TRPC4: variants seen among roughly 807,000 people sequenced by gnomAD.
TRPC4 encodes short transient receptor potential channel 4.
In TRPC4, 49 loss-of-function variants were observed where a neutral mutation model predicts 99.4. The ratio of observed to expected loss-of-function variants is 0.49; its 90% CI spans 0.39 to 0.63. The LOEUF is 0.63. Ranked by LOEUF, TRPC4 falls within the 20% of genes least tolerant of loss-of-function variation. The probability of loss-of-function intolerance (pLI) is 0.00; values close to 1 mark genes in which losing one functional copy is unlikely to be tolerated. For missense variants in TRPC4, 898 were observed against 1,152.9 expected (o/e 0.78, Z 3.20); for synonymous variants, 454 against 425.9 (o/e 1.07, Z -0.81).
At chr13:37,708,574 G>A (rs1365323991) in intron 3 of TRPC4, among the ~76,000 whole-genome samples, 7 of 151,470 alleles carry the variant, frequency 4.6e-5, no homozygotes, top group Admixed American at 1.3e-4. Context: ...GATCGCAAAG[G>A]AATTCAAAAG....
At chr13:37,703,624 A>G (rs927211874) in intron 3 of TRPC4, among the ~76,000 whole-genome samples, 1 of 152,188 alleles carries the variant, frequency 6.6e-6, no homozygotes, top group Admixed American at 6.6e-5. Context: ...CAAAGTCACA[A>G]TGAAGTATCA....
chr13:37,774,156 C>T (rs1028982160), intron 2 of TRPC4, among the ~76,000 whole-genome samples: 3 of 151,562 alleles, frequency 2.0e-5, no homozygotes, highest in African/African-American at 7.3e-5. Flanking sequence ...CAAAGTTAAG[C>T]CCACTCCACT....
At chr13:37,764,376 T>C (rs993934017) in intron 2 of TRPC4, among the ~76,000 whole-genome samples, 1 of 150,974 alleles carries the variant, frequency 6.6e-6, no homozygotes, top group Admixed American at 6.7e-5. Flanking sequence ...GTGTTTATAA[T>C]GTATAGACCA....
rs79972323 is a variant in TRPC4 at position 37,698,286 on chromosome 13, G to A, written c.898-5951C>T. On this transcript the variant is annotated intron_variant, in intron 3 of 10. Coordinates refer to ENST00000379705, the MANE Select transcript of TRPC4 (RefSeq NM_016179.4). The stretch of plus-strand genomic sequence containing the variant: ...TGCCATTCTCCTGTCTCAGCCTCCC[G>A]AGGTAGCTGGGACTACAGGTGCCCG... Among the ~76,000 whole-genome samples, 40 of 148,292 alleles carry A rather than the reference G, an allele frequency of 2.7e-4. No individual in the cohort carries two copies. The East Asian group carries it at 5.4e-3, about 20-fold the overall frequency.
chr13:37,668,277 G>A (rs1566082365), intron 5 of TRPC4, among the ~76,000 whole-genome samples: 2 of 152,130 alleles, frequency 1.3e-5, no homozygotes. Flanking sequence ...TCCTTTGAAA[G>A]AGAATTGCTT....
At chr13:37,736,992 C>T (rs1274598251) in intron 3 of TRPC4, among the ~76,000 whole-genome samples, 1 of 151,486 alleles carries the variant, frequency 6.6e-6, no homozygotes, top group Non-Finnish European at 1.5e-5. Context: ...CTTGGCCTCC[C>T]AAAGTGCTGG....
At chr13:37,742,125 C>A (rs1488292224) in intron 3 of TRPC4, among the ~76,000 whole-genome samples, 1 of 152,048 alleles carries the variant, frequency 6.6e-6, no homozygotes, top group Non-Finnish European at 1.5e-5. Context: ...AGAAGTAATA[C>A]AATTCTTCTT....
At chr13:37,817,962 G>T (rs1395486094) in intron 1 of TRPC4, among the ~76,000 whole-genome samples, 1 of 151,820 alleles carries the variant, frequency 6.6e-6, no homozygotes, top group Non-Finnish European at 1.5e-5. Context: ...ATACTATTTA[G>T]GACACAGGAA....
chr13:37,650,641 A>G (rs944020626), intron 8 of TRPC4, among the ~76,000 whole-genome samples: 1 of 151,820 alleles, frequency 6.6e-6, no homozygotes, highest in Admixed American at 6.6e-5. Context: ...ACACATATAT[A>G]TATATTTAGA....
intron 1 of TRPC4, among the ~76,000 whole-genome samples, chr13:37,818,564 A>G (rs577382981): frequency 6.6e-6 from 1 of 152,292 alleles, no homozygotes; most frequent in Non-Finnish European, 1.5e-5. Flanking sequence ...ATGCTCATCA[A>G]TGATAGACTG....
intron 2 of TRPC4, among the ~76,000 whole-genome samples, chr13:37,773,320 G>A (rs2139301156): frequency 6.6e-6 from 1 of 151,922 alleles, no homozygotes; most frequent in African/African-American, 2.4e-5. Context: ...ATCTCTCTGA[G>A]CCGCAATTTT....
chr13:37,734,118 T>G (rs922436214), intron 3 of TRPC4, among the ~76,000 whole-genome samples: 1 of 152,174 alleles, frequency 6.6e-6, no homozygotes. Context: ...TTTGCCTCCA[T>G]GAATCTGCAC....
At chr13:37,756,176 G>GCACA (rs1009308890) in intron 2 of TRPC4, among the ~76,000 whole-genome samples, 1 of 152,094 alleles carries the variant, frequency 6.6e-6, no homozygotes, top group African/African-American at 2.4e-5. Context: ...GTACATGTGT[G>GCACA]CACACACACA....
intron 2 of TRPC4, among the ~76,000 whole-genome samples, chr13:37,751,654 T>C (rs1955936747): frequency 6.6e-6 from 1 of 152,116 alleles, no homozygotes; most frequent in African/African-American, 2.4e-5. Flanking sequence ...CGGCTTATAA[T>C]TACTTTGATT....
chr13:37,818,091 G>A (rs894560246), intron 1 of TRPC4, among the ~76,000 whole-genome samples: 1 of 151,816 alleles, frequency 6.6e-6, no homozygotes, highest in African/African-American at 2.4e-5. Context: ...TTAATAGCGT[G>A]AACAGACAGC....
At chr13:37,718,393 G>C (rs1031973433) in intron 3 of TRPC4, among the ~76,000 whole-genome samples, 3 of 151,254 alleles carry the variant, frequency 2.0e-5, no homozygotes, top group African/African-American at 7.3e-5. Context: ...TCTCCTTCTA[G>C]AAAGAAGCAG....
intron 2 of TRPC4, among the ~76,000 whole-genome samples, 192 bp from the exon 3 acceptor site, chr13:37,746,647 T>C (rs1280355945): frequency 6.6e-6 from 1 of 150,870 alleles, no homozygotes; most frequent in Non-Finnish European, 1.5e-5. Context: ...AACTTTCCAA[T>C]ATGATGCATT....
intron 3 of TRPC4, among the ~76,000 whole-genome samples, chr13:37,713,743 G>A (rs1954565104): frequency 6.6e-6 from 1 of 152,134 alleles, no homozygotes; most frequent in African/African-American, 2.4e-5. Flanking sequence ...GTTTTGTTTT[G>A]CAGTTTAGTT....
intron 5 of TRPC4, among the ~76,000 whole-genome samples, chr13:37,673,508 C>G (rs1952935721): frequency 6.7e-6 from 1 of 148,744 alleles, no homozygotes; most frequent in African/African-American, 2.5e-5. Flanking sequence ...TATTTTGAAA[C>G]TTTTATTTTT....
Sources: gnomAD v4.1 joint callset for allele counts (sites outside exome capture counted in the v4.1 genomes callset) on GRCh38, gnomAD v4.1.1 for gene constraint, MANE v1.5 for transcripts, NCBI Gene and HGNC (gene_info 2026-07-23, HGNC 2026-07-21) for gene names.